ERCC6L2: variants seen among roughly 807,000 people sequenced by gnomAD.
ERCC6L2 encodes the protein ERCC excision repair 6 like 2, also known as DNA excision repair protein ERCC-6-like 2.
In ERCC6L2, 77 loss-of-function variants were observed where a neutral mutation model predicts 132.0. The observed-to-expected ratio is 0.58, with a 90% confidence interval of 0.49 to 0.71. The LOEUF is 0.71. Among genes scored for constraint, ERCC6L2 ranks in the 30% least tolerant of loss-of-function variants. The pLI is 0.00. For synonymous variants in ERCC6L2, 583 were observed against 632.4 expected, an observed-to-expected ratio of 0.92 and a Z score of 1.17; for missense variants, 1,542 against 1,837.6, an observed-to-expected ratio of 0.84 and a Z score of 2.94.
chr9:95,911,247 A>G (rs1425352159), intron 4 of ERCC6L2, among the ~76,000 whole-genome samples: 1 of 152,158 alleles, frequency 6.6e-6, no homozygotes, highest in East Asian at 1.9e-4. Context: ...ATGTTTTGCA[A>G]TTAGATAAAT....
At chr9:95,970,761 A>AT in intron 15 of ERCC6L2, 105 bp downstream of exon 15, 1 of 745,114 alleles carries the variant, frequency 1.3e-6, no homozygotes, top group Non-Finnish European at 1.8e-6. Flanking sequence ...TAAAAAAAAA[A>AT]ATTAAGAGTC....
chr9:95,979,381 G>A (rs1832801665), intron 17 of ERCC6L2, among the ~76,000 whole-genome samples: 1 of 152,130 alleles, frequency 6.6e-6, no homozygotes, highest in African/African-American at 2.4e-5. Context: ...TGCCCAAAAT[G>A]CCATAACACC....
chr9:95,919,231 TTA>T (rs1251780575), intron 6 of ERCC6L2, among the ~76,000 whole-genome samples: 1 of 152,230 alleles, frequency 6.6e-6, no homozygotes. Flanking sequence ...TAGCATTGTT[TTA>T]TAGAGACATT....
chr9:95,905,538 C>T (rs1828990645), intron 3 of ERCC6L2, among the ~76,000 whole-genome samples: 1 of 152,050 alleles, frequency 6.6e-6, no homozygotes, highest in South Asian at 2.1e-4. Context: ...ACAAAAAAAT[C>T]AAAGGGAGAC....
At chr9:95,933,489 A>C (rs1404290006) in intron 11 of ERCC6L2, among the ~76,000 whole-genome samples, 3 of 152,154 alleles carry the variant, frequency 2.0e-5, no homozygotes, top group Admixed American at 1.3e-4. Context: ...GACCTTGAAC[A>C]AATTAATTTT....
chr9:95,926,571 A>G (rs564137164), intron 9 of ERCC6L2, among the ~76,000 whole-genome samples: 3 of 152,292 alleles, frequency 2.0e-5, no homozygotes, highest in Admixed American at 1.3e-4. Flanking sequence ...AATACTATCA[A>G]AAGGCAAAAC....
chr9:96,011,638 T>TC (rs1304338295), intron 18 of ERCC6L2, among the ~76,000 whole-genome samples: 1 of 152,208 alleles, frequency 6.6e-6, no homozygotes, highest in African/African-American at 2.4e-5. Context: ...AGCATCTCAC[T>TC]CCTTAGCTTA....
rs545366686 is a variant in ERCC6L2, at chr9:95,920,803, G to A, written c.1159-372G>A. 9.2e-5 allele frequency among the ~76,000 whole-genome samples: 14 copies of A among 152,190 alleles called. No homozygotes were observed. The South Asian group carries it at 2.9e-3, about 32-fold the overall frequency. On this transcript the variant is annotated intron_variant, in intron 6 of 18. Transcript: ENST00000653738. ...TTTTCACTATTTTTTTTGAGACAGA[G>A]TCTCGCTCTGTCGCCCAGGCTGTAG...
At chr9:95,977,104 G>A (rs1241009581) in intron 16 of ERCC6L2, among the ~76,000 whole-genome samples, 1 of 152,098 alleles carries the variant, frequency 6.6e-6, no homozygotes, top group African/African-American at 2.4e-5. Context: ...TGTAAAAGGT[G>A]TCAGTAGTTA....
chr9:95,929,083 A>C (rs774901483), intron 11 of ERCC6L2: 4 of 340,286 alleles, frequency 1.2e-5, no homozygotes, highest in Middle Eastern at 8.2e-4. Context: ...CTGGGTTTAT[A>C]AAGGTAACAA....
chr9:95,934,023 T>TGTAAAGCATTATC (rs1354426991), intron 11 of ERCC6L2, among the ~76,000 whole-genome samples: 1 of 152,072 alleles, frequency 6.6e-6, no homozygotes, highest in Non-Finnish European at 1.5e-5. Context: ...TAGCATCCAG[T>TGTAAAGCATTATC]GTAAAGCATT....
intron 19 of ERCC6L2, among the ~76,000 whole-genome samples, chr9:96,030,525 G>A (rs181219821): frequency 7.2e-5 from 11 of 151,828 alleles, no homozygotes; most frequent in African/African-American, 2.4e-4. Flanking sequence ...GTGAAACCCC[G>A]TCTCTACTAA....
At chr9:95,961,534 A>G (rs541868730) in intron 13 of ERCC6L2, among the ~76,000 whole-genome samples, 71 of 152,206 alleles carry the variant, frequency 4.7e-4, no homozygotes, top group Non-Finnish European at 8.2e-4. Context: ...ACTTTGTTAC[A>G]GCAGAATTGG....
At position 95,942,474 on chromosome 9, in the gene ERCC6L2, A is replaced by G. The variant is rs954325354; in HGVS notation, c.1847+925A>G. 5.3e-5 allele frequency among the ~76,000 whole-genome samples: 8 copies of G among 152,268 alleles called. No homozygotes were observed. In the East Asian group the frequency reaches 9.6e-4, roughly 18 times the overall value. ...TATAAATTAAAACTATTGCCAAAAT[A>G]AAGTGACTCAGTAGAAGGTCTGGGA... On this transcript the variant is annotated intron_variant, in intron 12 of 18. Coordinates refer to ENST00000653738, the MANE Select transcript of ERCC6L2 (RefSeq NM_020207.7).
At chr9:95,890,507 A>G (rs1229972423) in intron 2 of ERCC6L2, among the ~76,000 whole-genome samples, 1 of 152,200 alleles carries the variant, frequency 6.6e-6, no homozygotes, top group Non-Finnish European at 1.5e-5. Context: ...ATTTTGTTAG[A>G]ATATTTTAAA....
Position 95,935,361 on chromosome 9 carries a change from A to G in ERCC6L2, c.1752-6093A>G, listed in dbSNP as rs560111918. Among the ~76,000 whole-genome samples, 103 of 152,314 alleles carry G rather than the reference A, an allele frequency of 6.8e-4. 1 individual carries two copies. In the South Asian group the frequency reaches 0.014, roughly 21 times the overall value. On this transcript the variant is annotated intron_variant, in intron 11 of 18. Transcript: ENST00000653738. ...TTAGTGCTTAGGATATGTGGAGGCAACAGCTTGGGTGTATGACTACATAGG... is the reference window on the plus strand; with the variant it reads ...TTAGTGCTTAGGATATGTGGAGGCAGCAGCTTGGGTGTATGACTACATAGG...
At chr9:95,876,354 T>C (rs1827268698) in intron 1 of ERCC6L2, 1 of 417,102 alleles carries the variant, frequency 2.4e-6, no homozygotes, top group South Asian at 6.2e-5. Flanking sequence ...AAAACTGGGT[T>C]CATTACTAGG....
At chr9:95,918,296 C>T (rs962337299) in intron 6 of ERCC6L2, 1 of 410,344 alleles carries the variant, frequency 2.4e-6, no homozygotes, top group South Asian at 2.0e-5. Context: ...GTTATTTGTC[C>T]TGATGTCAGT....
chr9:96,036,107 C>T (rs1222162717), intron 19 of ERCC6L2, among the ~76,000 whole-genome samples: 2 of 152,072 alleles, frequency 1.3e-5, no homozygotes, highest in African/African-American at 2.4e-5. Flanking sequence ...GTGCACATTC[C>T]AGTAATACCC....
Sources: gnomAD v4.1 joint callset for allele counts (sites outside exome capture counted in the v4.1 genomes callset) on GRCh38, gnomAD v4.1.1 for gene constraint, MANE v1.5 for transcripts, NCBI Gene and HGNC (gene_info 2026-07-23, HGNC 2026-07-21) for gene names.